IRAK2: variants seen among roughly 807,000 people sequenced by gnomAD.
IRAK2 encodes interleukin 1 receptor associated kinase 2, also known as interleukin-1 receptor-associated kinase-like 2.
Under a neutral mutation model 72.0 loss-of-function variants are expected in IRAK2, and 57 were observed. That is an observed-to-expected ratio of 0.79 (90% CI 0.64 to 0.99). The LOEUF (loss-of-function observed/expected upper bound fraction) is 0.99, where lower values mean the gene tolerates loss of function less well. Ranked by LOEUF, IRAK2 falls within the 50% of genes least tolerant of loss-of-function variation. IRAK2 has a pLI of 0.00. For missense variants in IRAK2, 790 were observed against 794.4 expected (o/e 0.99, Z 0.07); for synonymous variants, 293 against 312.7 (o/e 0.94, Z 0.67).
intron 2 of IRAK2, among the ~76,000 whole-genome samples, chr3:10,190,356 C>T (rs1265613025): frequency 6.8e-6 from 1 of 146,584 alleles, no homozygotes; most frequent in African/African-American, 2.6e-5. Flanking sequence ...GCTTGGCTCA[C>T]TGCAACCTCT....
chr3:10,174,278 C>T (rs184162643), intron 1 of IRAK2, among the ~76,000 whole-genome samples: 17 of 152,272 alleles, frequency 1.1e-4, no homozygotes, highest in Non-Finnish European at 2.1e-4. Context: ...GGCACTTCTC[C>T]TGGAGGCTTT....
rs368715665 is a variant in IRAK2, at chr3:10,222,811, G to T, written c.1189G>T (p.Asp397Tyr). 1.9e-6 allele frequency: 3 copies of T among 1,614,054 alleles called. No individual in the cohort carries two copies. Among genetic ancestry groups the T allele is most frequent in the Non-Finnish European group, 2.5e-6 (3 of 1,180,026 alleles). Residue 397 changes from aspartate to tyrosine, a missense_variant, in exon 9 of 13, where the codon GAC (aspartate) becomes TAC (tyrosine). Asp to Tyr is a radical substitution (Grantham distance 160). Transcript: ENST00000256458. ...IRVGQLTKRV[D>Y]IFSCGIVLAE... Reference sequence around the variant, plus strand: ...GGTGGGGCAGCTGACAAAGCGAGTGGACATCTTCAGCTGTGGAATAGTAAG... The same window carrying T: ...GGTGGGGCAGCTGACAAAGCGAGTGTACATCTTCAGCTGTGGAATAGTAAG...
intron 11 of IRAK2, among the ~76,000 whole-genome samples, chr3:10,237,314 C>G (rs1359371437): frequency 6.6e-6 from 1 of 152,040 alleles, no homozygotes; most frequent in Non-Finnish European, 1.5e-5. Context: ...TAGGAGATGG[C>G]CTTAGCTCTT....
At chr3:10,191,650 A>C (rs998930660) in intron 2 of IRAK2, among the ~76,000 whole-genome samples, 2 of 151,936 alleles carry the variant, frequency 1.3e-5, no homozygotes, top group East Asian at 3.9e-4. Context: ...GCTTCCCTAC[A>C]TTCTTCCATG....
In IRAK2 at chr3:10,200,240, G is replaced by C. The variant is rs565683337; in HGVS notation, c.278-129G>C. ...GGGCCAGAAAGGGAAAGACCCTCCCGCCCTGCAACACCATGCATTTGTGGC... is the reference window on the plus strand; with the variant it reads ...GGGCCAGAAAGGGAAAGACCCTCCCCCCCTGCAACACCATGCATTTGTGGC... On this transcript the variant is annotated intron_variant, in intron 2 of 12. Coordinates refer to ENST00000256458, the MANE Select transcript of IRAK2 (RefSeq NM_001570.4). The C allele has an allele frequency of 3.5e-5, 27 of 779,526 alleles. No homozygotes were observed. In the African/African-American group the frequency reaches 4.4e-4, roughly 13 times the overall value. The allele number at this position is 779,526 out of a possible 1,614,324, so 48.3% of individuals were successfully genotyped here.
chr3:10,192,063 G>GTGTGT (rs1157822737), intron 2 of IRAK2, among the ~76,000 whole-genome samples: 5 of 141,072 alleles, frequency 3.5e-5, no homozygotes, highest in African/African-American at 1.3e-4. Flanking sequence ...TGTGTGTGTT[G>GTGTGT]TGTGTTGTGT....
At chr3:10,187,499 T>C (rs559308236) in intron 2 of IRAK2, among the ~76,000 whole-genome samples, 107 of 152,282 alleles carry the variant, frequency 7.0e-4, no homozygotes, top group African/African-American at 2.5e-3. Context: ...CAGTAGCAGA[T>C]CATGGTCTAG....
At chr3:10,222,579 C>A in intron 8 of IRAK2, 57 bp from the exon 9 acceptor site, 1 of 1,458,874 alleles carries the variant, frequency 6.9e-7, no homozygotes, top group Admixed American at 1.7e-5. Context: ...GTCTCCATGG[C>A]AACTTGTTGT....
Position 10,208,634 on chromosome 3 carries a change from G to A in IRAK2, c.425-955G>A, listed in dbSNP as rs183860633. Among the ~76,000 whole-genome samples the A allele has an allele frequency of 7.6e-4, 116 of 151,792 alleles. 1 individual carries two copies. In the East Asian group the frequency reaches 0.019, roughly 24 times the overall value. ...AAAAATTAGCTGGGTGTGGTGGCGG[G>A]CGCCTGTAGTCCCAGCTACTCGGGA... On this transcript the variant is annotated intron_variant, in intron 3 of 12. Transcript: ENST00000256458.
chr3:10,201,440 C>A (rs1239701324), intron 3 of IRAK2, among the ~76,000 whole-genome samples: 1 of 152,244 alleles, frequency 6.6e-6, no homozygotes, highest in Non-Finnish European at 1.5e-5. Flanking sequence ...TTCCTGCCCA[C>A]CACTTTCCTC....
rs1350851459 is a variant in IRAK2, at chr3:10,213,133, T to C, written c.529-74T>C. Reference sequence around the variant, plus strand: ...CCCCTCCATCCCTCCATCTCTGGTGTTCCAAGGTCCCTTGAGGTAGCAGAG... The same window carrying C: ...CCCCTCCATCCCTCCATCTCTGGTGCTCCAAGGTCCCTTGAGGTAGCAGAG... On this transcript the variant is annotated intron_variant, in intron 4 of 12. Transcript: ENST00000256458. 4.7e-6 allele frequency: 6 copies of C among 1,272,456 alleles called. No homozygotes were observed. The Admixed American group carries it at 1.1e-4, about 23-fold the overall frequency. The allele number at this position is 1,272,456 out of a possible 1,614,324, so 78.8% of individuals were successfully genotyped here.
At chr3:10,224,600 G>A (rs1479131719) in intron 9 of IRAK2, among the ~76,000 whole-genome samples, 1 of 149,986 alleles carries the variant, frequency 6.7e-6, no homozygotes, top group Non-Finnish European at 1.5e-5. Context: ...CCCTCCTTCT[G>A]ATATCTGTTT....
chr3:10,172,829 C>T (rs968699965), intron 1 of IRAK2, among the ~76,000 whole-genome samples: 1 of 121,240 alleles, frequency 8.2e-6, no homozygotes, highest in African/African-American at 3.1e-5. Context: ...CAGAGCGAGA[C>T]TCTGTCTCAA....
At position 10,243,116 on chromosome 3, in the gene IRAK2, G is replaced by A. The variant is rs1034389288; in HGVS notation, c.*888G>A. On this transcript the variant is annotated 3_prime_UTR_variant, in exon 13 of 13. Transcript: ENST00000256458. ...GTGGCACGATCTCAGCTCACTGCAA[G>A]CTCTGCCTCTCAGGTTCAAGTGATT... 5 of 152,198 alleles carry A rather than the reference G, an allele frequency of 3.3e-5. No homozygotes were observed. The highest frequency in any genetic ancestry group is 1.2e-4 in the African/African-American group (5 of 41,424). 9.4% of individuals were successfully genotyped at this position (152,198 alleles called of 1,614,324 possible).
intron 1 of IRAK2, among the ~76,000 whole-genome samples, chr3:10,176,411 C>A (rs1294757415): frequency 6.6e-6 from 1 of 151,860 alleles, no homozygotes; most frequent in African/African-American, 2.4e-5. Context: ...AGTGATCCTC[C>A]CATCTCAGCC....
intron 7 of IRAK2, among the ~76,000 whole-genome samples, chr3:10,218,837 T>C (rs1267389364): frequency 6.6e-6 from 1 of 152,222 alleles, no homozygotes; most frequent in Non-Finnish European, 1.5e-5. Context: ...TAAGTGTCTT[T>C]TTCCAAAATT....
intron 10 of IRAK2, 112 bp downstream of exon 10, chr3:10,226,545 A>T (rs1469984757): frequency 7.5e-6 from 6 of 800,074 alleles, no homozygotes; most frequent in Non-Finnish European, 1.2e-5. Context: ...GAGGCCCGGT[A>T]CAAGGTTGCA....
chr3:10,189,176 G>A (rs1334619651), intron 2 of IRAK2, among the ~76,000 whole-genome samples: 1 of 152,224 alleles, frequency 6.6e-6, no homozygotes, highest in Non-Finnish European at 1.5e-5. Context: ...TGCAAGATGA[G>A]AGGATTTGAT....
At chr3:10,232,129 C>T (rs933592915) in intron 10 of IRAK2, among the ~76,000 whole-genome samples, 3 of 104,168 alleles carry the variant, frequency 2.9e-5, no homozygotes, top group East Asian at 4.4e-4. Flanking sequence ...TCCGTCTCAA[C>T]AACAACAACA....
Sources: allele counts gnomAD v4.1 joint callset (sites outside exome capture counted in the v4.1 genomes callset), GRCh38; gene constraint gnomAD v4.1.1; transcripts MANE v1.5; gene names NCBI Gene and HGNC (gene_info 2026-07-23, HGNC 2026-07-21).